The following KCNH1 variants were observed in gnomAD, a reference collection of about 807,000 sequenced individuals.
KCNH1 encodes potassium voltage-gated channel subfamily H member 1.
A neutral mutation model predicts 69.2 loss-of-function variants in KCNH1; 27 were observed. The observed-to-expected ratio is 0.39, with a 90% confidence interval of 0.29 to 0.54. The LOEUF is 0.54. KCNH1 is among the 20% of genes least tolerant of loss of function. The pLI is 0.68. For missense variants in KCNH1, 798 were observed against 1,261.6 expected (o/e 0.63, Z 5.57); for synonymous variants, 456 against 487.7 (o/e 0.93, Z 0.86).
intron 10 of KCNH1, among the ~76,000 whole-genome samples, chr1:210,731,869 G>A (rs1004150761): frequency 3.3e-5 from 5 of 152,142 alleles, no homozygotes; most frequent in South Asian, 2.1e-4. Context: ...TTGGCAGGGT[G>A]CTCTACCACC....
intron 10 of KCNH1, among the ~76,000 whole-genome samples, chr1:210,693,553 A>G (rs950766697): frequency 6.6e-6 from 1 of 152,226 alleles, no homozygotes; most frequent in Admixed American, 6.5e-5. Flanking sequence ...CAGATAAAAC[A>G]CAACATGGCC....
chr1:210,885,536 G>A (rs1421266509), intron 7 of KCNH1, among the ~76,000 whole-genome samples: 3 of 151,920 alleles, frequency 2.0e-5, no homozygotes, highest in Admixed American at 6.6e-5. Context: ...GAACACCAGC[G>A]AGACAGAACC....
chr1:210,762,844 G>A (rs1683549409), intron 10 of KCNH1, among the ~76,000 whole-genome samples: 1 of 151,844 alleles, frequency 6.6e-6, no homozygotes, highest in Non-Finnish European at 1.5e-5. Context: ...AAAAATCAAG[G>A]AGGAGGGACT....
chr1:211,041,973 T>C (rs1366500857), intron 5 of KCNH1, among the ~76,000 whole-genome samples: 3 of 152,186 alleles, frequency 2.0e-5, no homozygotes, highest in Non-Finnish European at 4.4e-5. Context: ...CAGGCTGGTC[T>C]GGAACTCCTG....
intron 10 of KCNH1, among the ~76,000 whole-genome samples, chr1:210,724,565 TTATAAA>T (rs1394279986): frequency 3.3e-5 from 5 of 152,224 alleles, no homozygotes; most frequent in Admixed American, 3.3e-4. Context: ...TTTACTTTTC[TTATAAA>T]TAGAAACAGG....
intron 5 of KCNH1, among the ~76,000 whole-genome samples, chr1:211,051,149 C>T (rs1012793341): frequency 3.9e-5 from 6 of 152,020 alleles, no homozygotes; most frequent in African/African-American, 1.5e-4. Flanking sequence ...AGGTGTGCAC[C>T]ACCACACCTG....
intron 7 of KCNH1, among the ~76,000 whole-genome samples, chr1:210,809,575 A>G (rs1299408761): frequency 6.6e-6 from 1 of 152,218 alleles, no homozygotes; most frequent in Non-Finnish European, 1.5e-5. Context: ...ACCCATGTTC[A>G]AAAAATGGCA....
At chr1:210,718,870 C>T (rs1574207841) in intron 10 of KCNH1, among the ~76,000 whole-genome samples, 1 of 151,752 alleles carries the variant, frequency 6.6e-6, no homozygotes, top group East Asian at 1.9e-4. Flanking sequence ...GAGGGAGCCA[C>T]CCCTCAAGAG....
Position 210,757,225 on chromosome 1 carries a change from C to G in KCNH1, c.2112+18123G>C, listed in dbSNP as rs1683417825. Among the ~76,000 whole-genome samples the G allele has an allele frequency of 2.6e-5, 4 of 152,262 alleles. No homozygotes were observed. The South Asian group carries it at 8.3e-4, about 32-fold the overall frequency. Reference sequence around the variant, plus strand: ...TTCCATTAAAGCAGCAGGCCATTGGCTACCACCTATGGGCATCTGGGCCCT... The same window carrying G: ...TTCCATTAAAGCAGCAGGCCATTGGGTACCACCTATGGGCATCTGGGCCCT... On this transcript the variant is annotated intron_variant, in intron 10 of 10. Transcript: ENST00000271751.
intron 9 of KCNH1, among the ~76,000 whole-genome samples, chr1:210,787,559 A>G (rs1362172005): frequency 6.6e-6 from 1 of 152,180 alleles, no homozygotes. Context: ...GAACAGAACA[A>G]TGTTAAGTTA....
chr1:210,722,401 T>C (rs2149027222), intron 10 of KCNH1, among the ~76,000 whole-genome samples: 1 of 151,796 alleles, frequency 6.6e-6, no homozygotes, highest in Middle Eastern at 3.4e-3. Context: ...AGACTATGGC[T>C]TTTAAATTAC....
intron 10 of KCNH1, among the ~76,000 whole-genome samples, chr1:210,774,055 A>G (rs1229198544): frequency 6.6e-6 from 1 of 152,106 alleles, no homozygotes; most frequent in East Asian, 1.9e-4. Flanking sequence ...GTGGCAGTTC[A>G]GGGTGGGAAA....
intron 7 of KCNH1, among the ~76,000 whole-genome samples, chr1:210,820,996 C>A (rs1179185482): frequency 6.6e-6 from 1 of 152,176 alleles, no homozygotes; most frequent in Non-Finnish European, 1.5e-5. Flanking sequence ...CCACCAAGTT[C>A]GTGTTAATCT....
At chr1:210,705,190 C>T (rs1558431178) in intron 10 of KCNH1, among the ~76,000 whole-genome samples, 1 of 152,188 alleles carries the variant, frequency 6.6e-6, no homozygotes, top group Non-Finnish European at 1.5e-5. Context: ...GAGCCGAGGG[C>T]ACCCGCTGAG....
intron 3 of KCNH1, among the ~76,000 whole-genome samples, chr1:211,094,405 C>T (rs1292100805): frequency 6.6e-6 from 1 of 152,172 alleles, no homozygotes; most frequent in Non-Finnish European, 1.5e-5. Flanking sequence ...GGGACCCCTG[C>T]TATATTGGCC....
rs190640854 is a variant in KCNH1 at position 211,079,263 on chromosome 1, C to T, written c.558+3517G>A. 6.1e-3 allele frequency among the ~76,000 whole-genome samples: 932 copies of T among 152,196 alleles called. 3 individuals carry two copies. The highest frequency in any genetic ancestry group is 0.01 in the Non-Finnish European group (706 of 68,008). On this transcript the variant is annotated intron_variant, in intron 5 of 10. Coordinates refer to ENST00000271751, the MANE Select transcript of KCNH1 (RefSeq NM_172362.3). ...ACACATATGCCCTCCCAAGACTAAACCAGGAAGAAGGGGAATCTCTGAATA... is the reference window on the plus strand; with the variant it reads ...ACACATATGCCCTCCCAAGACTAAATCAGGAAGAAGGGGAATCTCTGAATA...
At chr1:210,697,034 A>C (rs1417205291) in intron 10 of KCNH1, among the ~76,000 whole-genome samples, 1 of 152,198 alleles carries the variant, frequency 6.6e-6, no homozygotes, top group East Asian at 1.9e-4. Flanking sequence ...GTCCTCTTTC[A>C]AAGTTGAAGA....
chr1:211,054,815 G>A (rs1313589554), intron 5 of KCNH1, among the ~76,000 whole-genome samples: 2 of 151,868 alleles, frequency 1.3e-5, no homozygotes, highest in Non-Finnish European at 2.9e-5. Flanking sequence ...AACATTGAGT[G>A]GAAATTAAGG....
chr1:210,836,314 A>G (rs1685282126), intron 7 of KCNH1, among the ~76,000 whole-genome samples: 1 of 152,114 alleles, frequency 6.6e-6, no homozygotes, highest in Non-Finnish European at 1.5e-5. Flanking sequence ...TGCTATTCCT[A>G]CCTCTAATTA....
Sources: allele counts gnomAD v4.1 joint callset (sites outside exome capture counted in the v4.1 genomes callset), GRCh38; gene constraint gnomAD v4.1.1; transcripts MANE v1.5; gene names NCBI Gene and HGNC (gene_info 2026-07-23, HGNC 2026-07-21).